MCFD2: variants seen among roughly 807,000 people sequenced by gnomAD.
The protein encoded by MCFD2 is multiple coagulation factor deficiency 2, ER cargo receptor complex subunit.
A neutral mutation model predicts 12.8 loss-of-function variants in MCFD2; 11 were observed. That is an observed-to-expected ratio of 0.86 (90% CI 0.54 to 1.42). The LOEUF (loss-of-function observed/expected upper bound fraction) is 1.42. Ranked by LOEUF, MCFD2 falls within the 40% of genes most tolerant of loss-of-function variation. The probability of loss-of-function intolerance (pLI) is 0.00; values close to 1 mark genes in which losing one functional copy is unlikely to be tolerated. For synonymous variants in MCFD2, 70 were observed against 68.1 expected, an observed-to-expected ratio of 1.03 and a Z score of -0.14; for missense variants, 191 against 178.6, an observed-to-expected ratio of 1.07 and a Z score of -0.40.
intron 1 of MCFD2, among the ~76,000 whole-genome samples, chr2:46,926,316 G>T (rs1323243305): frequency 2.0e-5 from 3 of 152,232 alleles, no homozygotes; most frequent in Non-Finnish European, 4.4e-5. Flanking sequence ...GTGCTAAACA[G>T]TGGAGATCGG....
intron 1 of MCFD2, 33 bp downstream of exon 1, chr2:46,915,690 C>G: frequency 1.1e-6 from 1 of 876,992 alleles, no homozygotes; most frequent in Non-Finnish European, 1.4e-6. Flanking sequence ...GCCGGGATCC[C>G]GCCCGCTGCG....
chr2:46,907,541 G>A lies in MCFD2; in HGVS notation c.309+269C>T. ...GTAGAACTACGGGCATGCACTACCA[G>A]GCCTGGCTAATTTTTTAATTTTTGT... On this transcript the variant is annotated intron_variant, in intron 3 of 3. Transcript: ENST00000319466. The surrounding 1 kb of genome is among the most constrained non-coding windows in gnomAD (Gnocchi z 4.1). The A allele has an allele frequency of 2.3e-6, 1 of 441,296 alleles. No individual in the cohort carries two copies. The highest frequency in any genetic ancestry group is 4.2e-6 in the Non-Finnish European group (1 of 236,732). 27.3% of individuals were successfully genotyped at this position (441,296 alleles called of 1,614,324 possible).
intron 1 of MCFD2, among the ~76,000 whole-genome samples, chr2:46,925,820 T>C (rs971339437): frequency 3.3e-5 from 5 of 152,230 alleles, no homozygotes; most frequent in African/African-American, 1.2e-4. Context: ...AAGTGGCTTT[T>C]GTGGATACAA....
intron 1 of MCFD2, among the ~76,000 whole-genome samples, chr2:46,922,176 T>A (rs1035205253): frequency 2.0e-5 from 3 of 152,096 alleles, no homozygotes; most frequent in South Asian, 2.1e-4. Flanking sequence ...TAGATTCTGA[T>A]GACCTGGAGA....
In MCFD2 at chr2:46,915,741, A is replaced by G; in HGVS notation, c.-25T>C. 2.0e-6 allele frequency: 2 copies of G among 980,270 alleles called. No individual in the cohort carries two copies. The highest frequency in any genetic ancestry group is 1.2e-6 in the Non-Finnish European group (1 of 825,740). The allele number at this position is 980,270 out of a possible 1,614,324, so 60.7% of individuals were successfully genotyped here. A position where few individuals can be genotyped will look rare whatever the true frequency, so the allele number is the denominator to read the frequency against. On this transcript the variant is annotated 5_prime_UTR_variant, in exon 1 of 4. Coordinates refer to ENST00000319466, the MANE Select transcript of MCFD2 (RefSeq NM_139279.6). ...CACTCACCCTTACGGTCTCCGAAGCAGACGCGAAGCCCTCCAACGTGAGCC... is the reference window on the plus strand; with the variant it reads ...CACTCACCCTTACGGTCTCCGAAGCGGACGCGAAGCCCTCCAACGTGAGCC...
chr2:46,909,075 A>C lies in MCFD2; in HGVS notation c.97T>G (p.Phe33Val), dbSNP rs1366396078. 1 of 1,614,232 alleles carries C rather than the reference A, an allele frequency of 6.2e-7. No individual in the cohort carries two copies. The highest frequency in any genetic ancestry group is 1.1e-5 in the South Asian group (1 of 91,088). Residue 33 changes from phenylalanine to valine, a missense_variant, in exon 2 of 4, where the codon TTC (phenylalanine) becomes GTC (valine). Coordinates refer to ENST00000319466, the MANE Select transcript of MCFD2 (RefSeq NM_139279.6). ...AGGCCCATGCTGCCGGGTTGGGAGA[A>C]GCTGGCTGCAGGCTCCTCAGCCCTG... ...GARAEEPAAS[F>V]SQPGSMGLDK...
chr2:46,935,420 A>C (rs937165180), intron 1 of MCFD2, among the ~76,000 whole-genome samples: 1 of 152,148 alleles, frequency 6.6e-6, no homozygotes, highest in Non-Finnish European at 1.5e-5. Context: ...AAGCAAAAAA[A>C]ATAAAAAAAC....
At chr2:46,925,387 A>T (rs770740365) in intron 1 of MCFD2, among the ~76,000 whole-genome samples, 9 of 152,100 alleles carry the variant, frequency 5.9e-5, no homozygotes, top group Non-Finnish European at 8.8e-5. Flanking sequence ...GTGAAACCCC[A>T]TCTCTACTAA....
Position 46,923,160 on chromosome 2 carries a change from C to G in MCFD2, c.-7-15191G>C, listed in dbSNP as rs1039251472. Among the ~76,000 whole-genome samples the G allele has an allele frequency of 2.6e-5, 4 of 152,324 alleles. No individual in the cohort carries two copies. The East Asian group carries it at 7.7e-4, about 29-fold the overall frequency. On this transcript the variant is annotated intron_variant, in intron 1 of 2. Transcript: ENST00000409147. ...TTCCTGTCAGCCTCCATGTGTTCAG[C>G]TCTCTGGAAGCTCTCCAAGCCCTGT...
At chr2:46,916,004 G>A (rs1460002163), upstream of MCFD2, 2 of 985,292 alleles carry the variant, frequency 2.0e-6, no homozygotes, top group South Asian at 4.7e-5. Flanking sequence ...GGCGACACTC[G>A]GCTCCACTCC....
Position 46,941,658 on chromosome 2 carries a change from G to C in MCFD2, c.-94C>G, listed in dbSNP as rs1404317380. 6.4e-7 allele frequency: 1 copy of C among 1,552,036 alleles called. No homozygotes were observed. The highest frequency in any genetic ancestry group is 1.4e-5 in the African/African-American group (1 of 73,178). Reference sequence around the variant, plus strand: ...AGCTGGTCCGGCAGCTGCAGACGCTGAGCATGCCCGGCGGCGGAGGTAACA... The same window carrying C: ...AGCTGGTCCGGCAGCTGCAGACGCTCAGCATGCCCGGCGGCGGAGGTAACA... On this transcript the variant is annotated 5_prime_UTR_variant, in exon 1 of 3. Transcript: ENST00000409147. This position sits in a 1 kb window ranked among gnomAD's most constrained non-coding sequence, Gnocchi z 4.2.
At chr2:46,917,234 A>C, upstream of MCFD2, 1 of 695,176 alleles carries the variant, frequency 1.4e-6, no homozygotes, top group South Asian at 1.5e-5. Flanking sequence ...GGTTCAAGCA[A>C]TCCTCCCACC....
At chr2:46,931,254 A>G (rs912221957) in intron 1 of MCFD2, among the ~76,000 whole-genome samples, 1 of 152,200 alleles carries the variant, frequency 6.6e-6, no homozygotes. Flanking sequence ...AATTAAAAAA[A>G]ATTTTCTTTT....
chr2:46,912,672 C>T, intron 1 of MCFD2: 1 of 152,120 alleles, frequency 6.6e-6, no homozygotes, highest in African/African-American at 2.4e-5. Context: ...CAAATTAATT[C>T]TTTTTTTTCT....
chr2:46,913,655 C>A (rs1384284990), intron 1 of MCFD2: 1 of 152,350 alleles, frequency 6.6e-6, no homozygotes, highest in Admixed American at 6.5e-5. Flanking sequence ...AAAAACCCAA[C>A]GGAGGAGAAA....
At chr2:46,920,944 A>G (rs575246616) in intron 1 of MCFD2, among the ~76,000 whole-genome samples, 1 of 151,914 alleles carries the variant, frequency 6.6e-6, no homozygotes, top group African/African-American at 2.4e-5. Flanking sequence ...TTAAAAAGGC[A>G]TCTGACAAAA....
At position 46,908,889 on chromosome 2, in the gene MCFD2, A is replaced by C. The variant is rs1668358892; in HGVS notation, c.149+134T>G. On this transcript the variant is annotated intron_variant, in intron 2 of 3. Coordinates refer to ENST00000319466, the MANE Select transcript of MCFD2 (RefSeq NM_139279.6). The surrounding 1 kb of genome is among the most constrained non-coding windows in gnomAD (Gnocchi z 4.5). The stretch of plus-strand genomic sequence containing the variant: ...GACTTATAGGTGGCAATAAGGAATA[A>C]GAATCATCCTTGAAGAATGTCAAGG... The C allele has an allele frequency of 3.4e-6, 4 of 1,187,350 alleles. No homozygotes were observed. In the East Asian group the frequency reaches 9.4e-5, roughly 28 times the overall value. The allele number at this position is 1,187,350 out of a possible 1,614,324, so 73.6% of individuals were successfully genotyped here. A position where few individuals can be genotyped will look rare whatever the true frequency, so the allele number is the denominator to read the frequency against.
chr2:46,906,387 C>T (rs749672089), intron 3 of MCFD2, among the ~76,000 whole-genome samples: 8 of 152,122 alleles, frequency 5.3e-5, no homozygotes, highest in Non-Finnish European at 7.4e-5. Context: ...GAATGTAATC[C>T]CACTCACCTG....
chr2:46,910,740 T>G (rs1668452926), intron 1 of MCFD2: 1 of 152,178 alleles, frequency 6.6e-6, no homozygotes, highest in Non-Finnish European at 1.5e-5. Context: ...GTCACTGGGA[T>G]GTCTAACTTC....
Sources: gnomAD v4.1 joint callset for allele counts (sites outside exome capture counted in the v4.1 genomes callset) on GRCh38, gnomAD v4.1.1 for gene constraint, Gnocchi (gnomAD v3.1) non-coding constraint, MANE v1.5 for transcripts, NCBI Gene and HGNC (gene_info 2026-07-23, HGNC 2026-07-21) for gene names.